Variants in PPFIA2 observed in about 807,000 individuals in gnomAD.
PPFIA2 encodes the protein PPFI scaffold protein A2.
In PPFIA2, 46 loss-of-function variants were observed where a neutral mutation model predicts 175.5. That is an observed-to-expected ratio of 0.26 (90% CI 0.21 to 0.34). The LOEUF (loss-of-function observed/expected upper bound fraction) is 0.34, where lower values mean the gene tolerates loss of function less well. PPFIA2 is among the 10% of genes least tolerant of loss of function. The probability of loss-of-function intolerance (pLI) is 1.00; values close to 1 mark genes in which losing one functional copy is unlikely to be tolerated. For synonymous variants in PPFIA2, 568 were observed against 511.4 expected, an observed-to-expected ratio of 1.11 and a Z score of -1.49; for missense variants, 1,179 against 1,506.1, an observed-to-expected ratio of 0.78 and a Z score of 3.60.
intron 4 of PPFIA2, among the ~76,000 whole-genome samples, chr12:81,619,925 C>T (rs1367085138): frequency 2.0e-5 from 3 of 151,862 alleles, no homozygotes; most frequent in African/African-American, 7.3e-5. Context: ...TTTGGGAGGC[C>T]GAGGCGGGCG....
intron 4 of PPFIA2, among the ~76,000 whole-genome samples, chr12:81,665,089 T>G (rs2069878242): frequency 6.6e-6 from 1 of 151,852 alleles, no homozygotes; most frequent in African/African-American, 2.4e-5. Flanking sequence ...CTAATGTAAA[T>G]GATGAGTTAA....
At chr12:81,620,443 T>G (rs1181800258) in intron 4 of PPFIA2, among the ~76,000 whole-genome samples, 3 of 152,024 alleles carry the variant, frequency 2.0e-5, no homozygotes, top group Non-Finnish European at 2.9e-5. Flanking sequence ...TTTTTTTTTG[T>G]ATTTTGGTAA....
At chr12:81,597,206 A>C (rs2059339739) in intron 4 of PPFIA2, among the ~76,000 whole-genome samples, 1 of 152,110 alleles carries the variant, frequency 6.6e-6, no homozygotes, top group Admixed American at 6.6e-5. Flanking sequence ...CTTAGGAATG[A>C]AAGGCACAAT....
intron 4 of PPFIA2, among the ~76,000 whole-genome samples, chr12:81,627,981 A>G (rs2062919839): frequency 6.6e-6 from 1 of 152,158 alleles, no homozygotes; most frequent in African/African-American, 2.4e-5. Context: ...TGGCTACAAT[A>G]AAATTATTCA....
chr12:81,599,592 T>C (rs2059591126), intron 4 of PPFIA2, among the ~76,000 whole-genome samples: 1 of 152,020 alleles, frequency 6.6e-6, no homozygotes, highest in Admixed American at 6.6e-5. Context: ...CTAACTGTTA[T>C]CTTACATTAA....
At chr12:81,276,119 T>C (rs2040466967) in intron 28 of PPFIA2, among the ~76,000 whole-genome samples, 1 of 152,086 alleles carries the variant, frequency 6.6e-6, no homozygotes, top group Non-Finnish European at 1.5e-5. Flanking sequence ...GGATTGATTA[T>C]TTTTAGCAAA....
chr12:81,470,532 A>AC (rs2056544190), intron 4 of PPFIA2, among the ~76,000 whole-genome samples: 1 of 152,190 alleles, frequency 6.6e-6, no homozygotes, highest in African/African-American at 2.4e-5. Context: ...GGTAAAACAT[A>AC]GAGTTATCGT....
chr12:81,429,247 T>G (rs1177615132), intron 7 of PPFIA2, among the ~76,000 whole-genome samples: 3 of 152,050 alleles, frequency 2.0e-5, no homozygotes, highest in Non-Finnish European at 4.4e-5. Context: ...GAGGAAGAGA[T>G]AGAATTTAAA....
intron 4 of PPFIA2, among the ~76,000 whole-genome samples, chr12:81,596,462 G>A (rs1344909653): frequency 2.0e-5 from 3 of 151,874 alleles, no homozygotes; most frequent in Non-Finnish European, 1.5e-5. Context: ...TAATTCCTAC[G>A]GTTTTTACAA....
At chr12:81,612,918 C>A (rs564551463) in intron 4 of PPFIA2, among the ~76,000 whole-genome samples, 145 of 152,114 alleles carry the variant, frequency 9.5e-4, no homozygotes, top group African/African-American at 3.4e-3. Context: ...AACTGTTTTT[C>A]TCTGTGCTTA....
chr12:81,725,688 A>G (rs910005258), intron 3 of PPFIA2, among the ~76,000 whole-genome samples: 4 of 150,960 alleles, frequency 2.6e-5, no homozygotes, highest in Non-Finnish European at 4.5e-5. Context: ...GAAAACATAC[A>G]TTGTAGAGAT....
intron 7 of PPFIA2, 32 bp from the exon 8 acceptor site, chr12:81,405,935 C>A (rs1007644787): frequency 1.6e-6 from 2 of 1,215,504 alleles, no homozygotes; most frequent in African/African-American, 1.5e-5. Context: ...CCTTTAAAGT[C>A]TAAATAGGGA....
At chr12:81,449,889 G>A (rs143967260) in intron 5 of PPFIA2, among the ~76,000 whole-genome samples, 45 of 150,710 alleles carry the variant, frequency 3.0e-4, no homozygotes, top group African/African-American at 1.0e-3. Flanking sequence ...AACATGCGGT[G>A]TTTGGTTTTT....
chr12:81,369,386 C>T lies in PPFIA2; in HGVS notation c.1267-192G>A. On this transcript the variant is annotated intron_variant, in intron 11 of 32. Coordinates refer to ENST00000549396, the MANE Select transcript of PPFIA2 (RefSeq NM_003625.5). Reference sequence around the variant, plus strand: ...GTCAGCTACAAAGGCCTGTTACATCCAAGCATCAGCAAAACATTGGAGTTA... The same window carrying T: ...GTCAGCTACAAAGGCCTGTTACATCTAAGCATCAGCAAAACATTGGAGTTA... The T allele has an allele frequency of 2.1e-6, 3 of 1,432,654 alleles. No individual in the cohort carries two copies. The South Asian group carries it at 4.0e-5, about 19-fold the overall frequency. 88.7% of individuals were successfully genotyped at this position (1,432,654 alleles called of 1,614,324 possible).
chr12:81,319,774 G>C (rs1322866262), intron 22 of PPFIA2, among the ~76,000 whole-genome samples: 1 of 151,904 alleles, frequency 6.6e-6, no homozygotes, highest in Admixed American at 6.6e-5. Context: ...TATTGTCAAA[G>C]TTTTGGGAAT....
intron 3 of PPFIA2, among the ~76,000 whole-genome samples, chr12:81,710,490 A>C (rs1014771349): frequency 6.6e-6 from 1 of 152,148 alleles, no homozygotes; most frequent in Non-Finnish European, 1.5e-5. Flanking sequence ...AGTGACATGT[A>C]AATGATGTAC....
At chr12:81,419,930 G>A (rs1056966913) in intron 7 of PPFIA2, among the ~76,000 whole-genome samples, 1 of 152,086 alleles carries the variant, frequency 6.6e-6, no homozygotes, top group South Asian at 2.1e-4. Flanking sequence ...CTTCTCCTGT[G>A]GGTGAAAAGG....
In PPFIA2 at chr12:81,331,179, A is replaced by G. The variant is rs75658128; in HGVS notation, c.2549-5309T>C. ...TTTATGACAGTGTTCCCATAAAACT[A>G]TAATAGCATATTTTCACTATACCTT... On this transcript the variant is annotated intron_variant, in intron 21 of 32. Transcript: ENST00000549396. 1.3e-4 allele frequency among the ~76,000 whole-genome samples: 20 copies of G among 152,368 alleles called. No homozygotes were observed. The East Asian group carries it at 3.7e-3, about 28-fold the overall frequency.
chr12:81,512,346 T>A (rs900132369), intron 4 of PPFIA2: 1 of 1,288,688 alleles, frequency 7.8e-7, no homozygotes, highest in Non-Finnish European at 1.0e-6. Flanking sequence ...CTTATGTACC[T>A]GCAGCCAAAA....
Sources: allele counts gnomAD v4.1 joint callset (sites outside exome capture counted in the v4.1 genomes callset), GRCh38; gene constraint gnomAD v4.1.1; transcripts MANE v1.5; gene names NCBI Gene and HGNC (gene_info 2026-07-23, HGNC 2026-07-21).